The following IGF2BP2 variants were observed in gnomAD, a reference collection of about 807,000 sequenced individuals.
IGF2BP2 encodes the protein insulin like growth factor 2 mRNA binding protein 2.
Under a neutral mutation model 75.8 loss-of-function variants are expected in IGF2BP2, and 17 were observed. The ratio of observed to expected loss-of-function variants is 0.22; its 90% CI spans 0.15 to 0.34. The LOEUF is 0.34. IGF2BP2 is among the 10% of genes least tolerant of loss of function. The pLI is 1.00. For synonymous variants in IGF2BP2, 288 were observed against 295.6 expected (o/e 0.97, Z 0.26); for missense variants, 516 against 772.4 (o/e 0.67, Z 3.93).
intron 2 of IGF2BP2, among the ~76,000 whole-genome samples, chr3:185,764,285 G>A (rs1162567871): frequency 6.6e-6 from 1 of 152,132 alleles, no homozygotes; most frequent in Non-Finnish European, 1.5e-5. Flanking sequence ...CTGCAGTCAT[G>A]AAAGATTTTT....
intron 2 of IGF2BP2, among the ~76,000 whole-genome samples, chr3:185,710,152 ATTTTTTT>A (rs567527407): frequency 0.035 from 4,070 of 117,560 alleles, 172 homozygotes; most frequent in South Asian, 0.24. Context: ...GTAGTTTTAG[ATTTTTTT>A]TTTTTTTTTT....
chr3:185,649,428 C>T lies in IGF2BP2; in HGVS notation c.1568G>A (p.Arg523Gln), dbSNP rs753123780. ...GGTCTTGCCACCTTTGCCAATCACC[C>T]GGCCAGCTGTGGAAGAGGGCACTCT... ...HIRVPSSTAG[R>Q]VIGKGGKTVN... The change falls in exon 14 of 16, where the codon CGG becomes CAG. Residue 523 changes from arginine to glutamine, a missense_variant. Arg to Gln is a conservative substitution (Grantham distance 43). Coordinates refer to ENST00000382199, the MANE Select transcript of IGF2BP2 (RefSeq NM_006548.6). The T allele has an allele frequency of 1.9e-6, 3 of 1,613,828 alleles. No homozygotes were observed. The highest frequency in any genetic ancestry group is 1.1e-5 in the South Asian group (1 of 91,048).
intron 10 of IGF2BP2, among the ~76,000 whole-genome samples, chr3:185,669,301 A>G (rs1718150917): frequency 4.6e-5 from 7 of 152,182 alleles, no homozygotes; most frequent in Admixed American, 4.6e-4. Flanking sequence ...TATACACACA[A>G]GGATTTCCAT....
Position 185,795,932 on chromosome 3 carries a change from T to C in IGF2BP2, c.239+27221A>G, listed in dbSNP as rs186587869. ...AAAATGAAAAATACTGTTTTGTTCT[T>C]AAACTTAGCTTTACTTCAACACAAC... On this transcript the variant is annotated intron_variant, in intron 2 of 15. Coordinates refer to ENST00000382199, the MANE Select transcript of IGF2BP2 (RefSeq NM_006548.6). Among the ~76,000 whole-genome samples, 120 of 152,220 alleles carry C rather than the reference T, an allele frequency of 7.9e-4. 1 individual carries two copies. Among genetic ancestry groups the C allele is most frequent in the Non-Finnish European group, 1.5e-3 (105 of 67,994 alleles).
chr3:185,749,593 C>A (rs1314214615), intron 2 of IGF2BP2, among the ~76,000 whole-genome samples: 1 of 152,216 alleles, frequency 6.6e-6, no homozygotes, highest in Non-Finnish European at 1.5e-5. Context: ...TGGTAACTCC[C>A]ATGACATTTC....
intron 2 of IGF2BP2, among the ~76,000 whole-genome samples, chr3:185,764,888 T>C (rs1355515681): frequency 6.6e-6 from 1 of 152,158 alleles, no homozygotes; most frequent in Admixed American, 6.5e-5. Flanking sequence ...AATGGGGCTC[T>C]GTGTAGGAGC....
chr3:185,748,013 G>A (rs1354983881), intron 2 of IGF2BP2, among the ~76,000 whole-genome samples: 1 of 151,982 alleles, frequency 6.6e-6, no homozygotes, highest in East Asian at 1.9e-4. Flanking sequence ...CTGCCACCAT[G>A]CCCAGCTACT....
In IGF2BP2 at chr3:185,675,453, G is replaced by T. The variant is rs373603634; in HGVS notation, c.936-22C>A. ...CAAACTGACCCATGAGAAGAAAAGA[G>T]AAATTTTGTTTTCAACGGGAAAAAT... is the stretch of plus-strand genomic sequence containing the variant. On this transcript the variant is annotated intron_variant, in intron 8 of 15. Transcript: ENST00000382199. 154 of 1,587,668 alleles carry T rather than the reference G, an allele frequency of 9.7e-5. No homozygotes were observed. The African/African-American group carries it at 1.8e-3, about 19-fold the overall frequency.
chr3:185,776,946 T>C (rs549953922), intron 2 of IGF2BP2, among the ~76,000 whole-genome samples: 34 of 151,692 alleles, frequency 2.2e-4, no homozygotes, highest in Admixed American at 2.0e-3. Context: ...GGTAAGAAAA[T>C]AGGAAATTAG....
At chr3:185,680,618 T>A (rs1281195929) in intron 7 of IGF2BP2, among the ~76,000 whole-genome samples, 1 of 152,178 alleles carries the variant, frequency 6.6e-6, no homozygotes, top group Admixed American at 6.5e-5. Context: ...CAAGTGGGAT[T>A]TGTTCCTGGA....
chr3:185,713,286 C>T, intron 2 of IGF2BP2: 1 of 390,980 alleles, frequency 2.6e-6, no homozygotes, highest in Non-Finnish European at 5.1e-6. Context: ...TAGGGATACT[C>T]CACTTGTTAT....
chr3:185,645,336 G>A lies in IGF2BP2; in HGVS notation c.*195C>T. The A allele has an allele frequency of 3.5e-6, 2 of 573,496 alleles. No individual in the cohort carries two copies. The highest frequency in any genetic ancestry group is 5.6e-5 in the East Asian group (2 of 35,562). The allele number at this position is 573,496 out of a possible 1,614,324, so 35.5% of individuals were successfully genotyped here. On this transcript the variant is annotated 3_prime_UTR_variant, in exon 16 of 16. Transcript: ENST00000382199. The surrounding 1 kb of genome is among the most constrained non-coding windows in gnomAD (Gnocchi z 4.9). ...GGGCTCGGTGGTTCTGGCAAACCTGGCTGACCTTCCCCGCCCCTCCTCGGC... is the reference window on the plus strand; with the variant it reads ...GGGCTCGGTGGTTCTGGCAAACCTGACTGACCTTCCCCGCCCCTCCTCGGC...
At chr3:185,732,785 AT>A (rs1255848658) in intron 2 of IGF2BP2, among the ~76,000 whole-genome samples, 5 of 152,320 alleles carry the variant, frequency 3.3e-5, no homozygotes, top group Middle Eastern at 3.4e-3. Flanking sequence ...TAGAGAAAAT[AT>A]TTTTTCCCCA....
intron 2 of IGF2BP2, among the ~76,000 whole-genome samples, chr3:185,770,132 T>C (rs924299277): frequency 6.6e-6 from 1 of 152,154 alleles, no homozygotes; most frequent in Admixed American, 6.5e-5. Context: ...AACTGGGGGA[T>C]GGTCTCTCTC....
At position 185,649,305 on chromosome 3, in the gene IGF2BP2, T is replaced by C. The variant is rs935453943; in HGVS notation, c.1593+98A>G. The C allele has an allele frequency of 1.2e-4, 171 of 1,482,292 alleles. 2 individuals are homozygous for C. In the East Asian group the frequency reaches 1.2e-3, roughly 10 times the overall value. The allele number at this position is 1,482,292 out of a possible 1,614,324, so 91.8% of individuals were successfully genotyped here. On this transcript the variant is annotated intron_variant, in intron 14 of 15. Coordinates refer to ENST00000382199, the MANE Select transcript of IGF2BP2 (RefSeq NM_006548.6). ...ATCTGCCAAAGACCCTGACTGTACA[T>C]TGGGACAGAAGGCGCCAAGGGGAGA...
intron 10 of IGF2BP2, among the ~76,000 whole-genome samples, chr3:185,661,769 G>A (rs193282161): frequency 2.6e-4 from 39 of 152,222 alleles, no homozygotes; most frequent in African/African-American, 7.2e-4. Flanking sequence ...GTTCTACCGG[G>A]GAGGCAGGCA....
At chr3:185,646,024 G>C (rs1230759820) in intron 15 of IGF2BP2, among the ~76,000 whole-genome samples, 6 of 152,262 alleles carry the variant, frequency 3.9e-5, no homozygotes, top group African/African-American at 1.4e-4. Flanking sequence ...AGGGAGGGAG[G>C]AACTGAGCCC....
At chr3:185,792,589 C>A (rs990274310) in intron 2 of IGF2BP2, among the ~76,000 whole-genome samples, 2 of 151,702 alleles carry the variant, frequency 1.3e-5, no homozygotes, top group Admixed American at 6.6e-5. Flanking sequence ...CATGGTGAAA[C>A]CCCATCTCTA....
intron 1 of IGF2BP2, 149 bp downstream of exon 1, chr3:185,824,634 G>T: frequency 2.4e-6 from 1 of 421,314 alleles, no homozygotes; most frequent in Non-Finnish European, 3.8e-6. Flanking sequence ...GCGGGCCGGC[G>T]GCGAGAGTTG....
Sources: gnomAD v4.1 joint callset for allele counts (sites outside exome capture counted in the v4.1 genomes callset) on GRCh38, gnomAD v4.1.1 for gene constraint, Gnocchi (gnomAD v3.1) non-coding constraint, MANE v1.5 for transcripts, NCBI Gene and HGNC (gene_info 2026-07-23, HGNC 2026-07-21) for gene names.